The following CHD7 variants were observed in gnomAD, a reference collection of about 807,000 sequenced individuals.
CHD7 encodes chromodomain helicase DNA binding protein 7.
Under a neutral mutation model 307.3 loss-of-function variants are expected in CHD7, and 24 were observed. The ratio of observed to expected loss-of-function variants is 0.08; its 90% confidence interval spans 0.06 to 0.11. CHD7 has a LOEUF of 0.11. Ranked by LOEUF, CHD7 falls within the 10% of genes least tolerant of loss-of-function variation. The pLI is 1.00. For synonymous variants in CHD7, 1,363 were observed against 1,349.9 expected (o/e 1.01, Z -0.21); for missense variants, 3,106 against 3,727.1 (o/e 0.83, Z 4.34).
At chr8:60,720,227 C>T (rs1807829323) in intron 1 of CHD7, among the ~76,000 whole-genome samples, 1 of 152,152 alleles carries the variant, frequency 6.6e-6, no homozygotes, top group Non-Finnish European at 1.5e-5. Flanking sequence ...TTCAGTGTTT[C>T]ACTATTGAAA....
rs776844402 is a variant in CHD7, at chr8:60,742,516, A to T, written c.1084A>T (p.Met362Leu). 3 of 1,614,016 alleles carry T rather than the reference A, an allele frequency of 1.9e-6. No homozygotes were observed. In the South Asian group the frequency reaches 3.3e-5, roughly 18 times the overall value. Residue 362 changes from methionine to leucine, a missense_variant, in exon 2 of 38, where the codon ATG becomes TTG. Met to Leu is a conservative substitution (Grantham distance 15). Transcript: ENST00000423902. ...GFPSNSGQGLMHQQPIHPSGS... is the reference protein window; with the variant it reads ...GFPSNSGQGLLHQQPIHPSGS... The stretch of plus-strand genomic sequence containing the variant: ...CCCATCAAACAGTGGTCAAGGACTA[A>T]TGCACCAGCAGCCCATCCACCCCAG...
chr8:60,692,228 T>G (rs548934767), intron 1 of CHD7, among the ~76,000 whole-genome samples: 2 of 152,378 alleles, frequency 1.3e-5, no homozygotes, highest in East Asian at 3.9e-4. Flanking sequence ...TGAATGTGGC[T>G]GCTGTTTGAC....
At chr8:60,750,876 A>G (rs1194338659) in intron 2 of CHD7, among the ~76,000 whole-genome samples, 2 of 152,254 alleles carry the variant, frequency 1.3e-5, no homozygotes, top group Non-Finnish European at 2.9e-5. Context: ...TAGTGTAATT[A>G]TGACAGTCAT....
intron 3 of CHD7, among the ~76,000 whole-genome samples, chr8:60,794,115 T>C (rs1349162015): frequency 6.6e-6 from 1 of 151,762 alleles, no homozygotes; most frequent in African/African-American, 2.4e-5. Flanking sequence ...AGAGTGAAAC[T>C]GTGTCTCAAA....
intron 7 of CHD7, among the ~76,000 whole-genome samples, chr8:60,810,527 G>A (rs1812750906): frequency 6.6e-6 from 1 of 152,018 alleles, no homozygotes; most frequent in Non-Finnish European, 1.5e-5. Flanking sequence ...TATTCCAGCA[G>A]CCCAGGGTTC....
chr8:60,728,508 G>T (rs796870400), intron 1 of CHD7, among the ~76,000 whole-genome samples: 1 of 152,308 alleles, frequency 6.6e-6, no homozygotes. Flanking sequence ...GGGTACAAGT[G>T]AGAGACATAA....
chr8:60,862,824 C>A, intron 37 of CHD7, 172 bp downstream of exon 37: 6 of 440,566 alleles, frequency 1.4e-5, no homozygotes, highest in African/African-American at 7.4e-5. Flanking sequence ...CATCATTAAT[C>A]CAAAGTGAAT....
chr8:60,701,151 T>C (rs1024050983), intron 1 of CHD7, among the ~76,000 whole-genome samples: 1 of 152,232 alleles, frequency 6.6e-6, no homozygotes, highest in Non-Finnish European at 1.5e-5. Flanking sequence ...GATTCACAAC[T>C]GATACATCTT....
Position 60,749,225 on chromosome 8 carries a change from G to A in CHD7, c.1665+6128G>A, listed in dbSNP as rs1389183587. Among the ~76,000 whole-genome samples the A allele has an allele frequency of 3.9e-5, 6 of 151,940 alleles. No individual in the cohort carries two copies. The South Asian group carries it at 6.3e-4, about 16-fold the overall frequency. On this transcript the variant is annotated intron_variant, in intron 2 of 37. Transcript: ENST00000423902. The stretch of plus-strand genomic sequence containing the variant: ...GTCTCTACTAAAGATACAAAAATTA[G>A]CCAGGCGTGGTGGTGCATGCCTGAA...
chr8:60,721,240 G>A (rs1384754251), intron 1 of CHD7, among the ~76,000 whole-genome samples: 3 of 152,170 alleles, frequency 2.0e-5, no homozygotes, highest in Non-Finnish European at 4.4e-5. Flanking sequence ...TTATAAAGTG[G>A]TCATAAGGTA....
At position 60,726,633 on chromosome 8, in the gene CHD7, G is replaced by A. The variant is rs149672370; in HGVS notation, c.-174-14626G>A. Among the ~76,000 whole-genome samples, 344 of 152,308 alleles carry A rather than the reference G, an allele frequency of 2.3e-3. 2 individuals are homozygous for A. The highest frequency in any genetic ancestry group is 7.8e-3 in the African/African-American group (323 of 41,554). On this transcript the variant is annotated intron_variant, in intron 1 of 37. Transcript: ENST00000423902. ...TGATGAATTAAAGGTAGGTGGTATC[G>A]TATGTATTTGACAAATGAGAAAAGA...
chr8:60,868,006 C>G lies in CHD7; in HGVS notation c.*2073C>G, dbSNP rs1473697439. 6.6e-6 allele frequency: 1 copy of G among 152,034 alleles called. No homozygotes were observed. Among genetic ancestry groups the G allele is most frequent in the Non-Finnish European group, 1.5e-5 (1 of 68,014 alleles). The allele number at this position is 152,034 out of a possible 1,614,324, so 9.4% of individuals were successfully genotyped here. On this transcript the variant is annotated 3_prime_UTR_variant, in exon 38 of 38. Coordinates refer to ENST00000423902, the MANE Select transcript of CHD7 (RefSeq NM_017780.4). ...GGAGAATTTGCTTAATAAAATGAGT[C>G]ATTAAAGGGTGTTTTTTTTAAAGTT...
chr8:60,688,462 A>G (rs79743811), intron 1 of CHD7, among the ~76,000 whole-genome samples: 44 of 152,356 alleles, frequency 2.9e-4, no homozygotes, highest in African/African-American at 1.0e-3. Context: ...CTGGACAAGA[A>G]TGAGTGGCCT....
intron 1 of CHD7, among the ~76,000 whole-genome samples, chr8:60,708,498 G>C (rs1209637583): frequency 6.6e-6 from 1 of 152,132 alleles, no homozygotes; most frequent in Non-Finnish European, 1.5e-5. Flanking sequence ...TGGACAACCA[G>C]CTTTGCATTT....
chr8:60,865,895 G>C lies in CHD7; in HGVS notation c.8956G>C (p.Gly2986Arg), dbSNP rs1351104278. ...GGGTGAAGAGCTAGACTCACTTGAT[G>C]GGGGGGATGAAATAGAAAACAATGA... Reference protein sequence around the residue: ...AQGEELDSLDGGDEIENNEND... With the variant: ...AQGEELDSLDRGDEIENNEND... The change falls in exon 38 of 38, where the codon GGG becomes CGG. Residue 2986 changes from glycine (G) to arginine (R), a missense_variant. Physicochemically the swap from Gly to Arg is moderately radical, Grantham distance 125. Transcript: ENST00000423902. The surrounding 1 kb of genome is among the most constrained non-coding windows in gnomAD (Gnocchi z 4.3). The C allele has an allele frequency of 1.2e-6, 2 of 1,608,246 alleles. No individual in the cohort carries two copies. Among genetic ancestry groups the C allele is most frequent in the African/African-American group, 1.3e-5 (1 of 74,862 alleles).
chr8:60,744,822 T>A (rs1228957031), intron 2 of CHD7, among the ~76,000 whole-genome samples: 12 of 150,844 alleles, frequency 8.0e-5, no homozygotes, highest in Non-Finnish European at 1.6e-4. Flanking sequence ...GCCACTTCAC[T>A]CCAGCCTGGG....
intron 2 of CHD7, among the ~76,000 whole-genome samples, chr8:60,765,204 TACACACACACACAC>T (rs71245521): frequency 3.3e-5 from 5 of 150,018 alleles, no homozygotes; most frequent in East Asian, 2.0e-4. Flanking sequence ...GGGATATGCA[TACACACACACACAC>T]ACACACACAC....
At chr8:60,738,075 TA>T (rs1808797282) in intron 1 of CHD7, among the ~76,000 whole-genome samples, 2 of 152,250 alleles carry the variant, frequency 1.3e-5, no homozygotes, top group African/African-American at 4.8e-5. Context: ...TATGAGACTT[TA>T]AAAAATTTCA....
Position 60,852,119 on chromosome 8 carries a change from C to T in CHD7, c.5766C>T (p.Arg1922=). Residue 1922 remains arginine, a synonymous_variant, in exon 29 of 38, where the codon CGC becomes CGT. Coordinates refer to ENST00000423902, the MANE Select transcript of CHD7 (RefSeq NM_017780.4). ...GCCGGCTCATTACTGCCTATCAGCG[C>T]AGCTATAAAAGGCAACAGATGAGGC... ...RLRRLITAYQ[R]SYKRQQMRQE... 2 of 1,614,018 alleles carry T rather than the reference C, an allele frequency of 1.2e-6. No individual in the cohort carries two copies. The highest frequency in any genetic ancestry group is 1.7e-6 in the Non-Finnish European group (2 of 1,179,896).
Sources: allele counts gnomAD v4.1 joint callset (sites outside exome capture counted in the v4.1 genomes callset), GRCh38; gene constraint gnomAD v4.1.1; non-coding constraint Gnocchi (gnomAD v3.1); transcripts MANE v1.5; gene names NCBI Gene and HGNC (gene_info 2026-07-23, HGNC 2026-07-21).